Variants in FOXP2 observed in about 807,000 individuals in gnomAD.
FOXP2 encodes forkhead box P2.
In FOXP2, 12 loss-of-function variants were observed where a neutral mutation model predicts 115.8. The observed-to-expected ratio is 0.10, with a 90% CI of 0.07 to 0.17. The LOEUF is 0.17. Among genes scored for constraint, FOXP2 ranks in the 10% least tolerant of loss-of-function variants. The pLI is 1.00. For synonymous variants in FOXP2, 328 were observed against 297.7 expected (o/e 1.10, Z -1.05); for missense variants, 629 against 843.5 (o/e 0.75, Z 3.15).
chr7:114,679,946 T>A (rs1807998492), intron 16 of FOXP2, among the ~76,000 whole-genome samples: 1 of 152,228 alleles, frequency 6.6e-6, no homozygotes, highest in Non-Finnish European at 1.5e-5. Flanking sequence ...CCATTGTCCA[T>A]GCAGCCCCTA....
In FOXP2 at chr7:114,179,519, C is replaced by G. The variant is rs1156634315; in HGVS notation, c.-102+16431C>G. ...GCATAGAGTAGTGCTGGCATGCGGT[C>G]TGCCCTTAATAAAAATATTCGGTGA... On this transcript the variant is annotated intron_variant, in intron 1 of 17. Coordinates refer to the FOXP2 transcript ENST00000634411. 2.0e-5 allele frequency among the ~76,000 whole-genome samples: 3 copies of G among 151,904 alleles called. No homozygotes were observed. In the East Asian group the frequency reaches 5.8e-4, roughly 29 times the overall value.
intron 1 of FOXP2, among the ~76,000 whole-genome samples, chr7:114,136,889 A>G (rs1052975315): frequency 6.6e-6 from 1 of 152,048 alleles, no homozygotes; most frequent in South Asian, 2.1e-4. Flanking sequence ...CCCAGATACT[A>G]TGATTCCTTA....
intron 10 of FOXP2, among the ~76,000 whole-genome samples, 195 bp from the exon 11 acceptor site, chr7:114,657,871 C>T (rs952732274): frequency 1.3e-5 from 2 of 152,110 alleles, no homozygotes; most frequent in Non-Finnish European, 2.9e-5. Context: ...ATTAGATAAC[C>T]TCTAACAGAA....
At chr7:114,559,882 C>T (rs1378321511) in intron 3 of FOXP2, among the ~76,000 whole-genome samples, 2 of 88,876 alleles carry the variant, frequency 2.3e-5, no homozygotes, top group African/African-American at 1.1e-4. Flanking sequence ...GAGCAAGATT[C>T]CATCTTAAAA....
At chr7:114,367,277 G>A (rs929065472) in intron 2 of FOXP2, among the ~76,000 whole-genome samples, 3 of 152,026 alleles carry the variant, frequency 2.0e-5, no homozygotes, top group Admixed American at 1.3e-4. Context: ...CCCTTTTGAA[G>A]GTATTCAAAT....
intron 8 of FOXP2, among the ~76,000 whole-genome samples, chr7:114,649,085 T>A (rs1366461429): frequency 6.6e-6 from 1 of 152,076 alleles, no homozygotes; most frequent in African/African-American, 2.4e-5. Flanking sequence ...AGAACAGGCC[T>A]GTGAAATGGT....
intron 3 of FOXP2, among the ~76,000 whole-genome samples, chr7:114,553,087 A>G (rs529696649): frequency 4.6e-5 from 7 of 152,256 alleles, no homozygotes; most frequent in South Asian, 4.1e-4. Flanking sequence ...AAAAACTGAC[A>G]AAGTATTTTA....
chr7:114,142,590 C>T (rs1460594560), intron 1 of FOXP2, among the ~76,000 whole-genome samples: 1 of 151,800 alleles, frequency 6.6e-6, no homozygotes, highest in Non-Finnish European at 1.5e-5. Flanking sequence ...TATATTATAC[C>T]ATTTATATTG....
At chr7:114,252,506 C>T (rs1795477841) in intron 1 of FOXP2, among the ~76,000 whole-genome samples, 1 of 152,222 alleles carries the variant, frequency 6.6e-6, no homozygotes, top group East Asian at 1.9e-4. Context: ...CAACTTCTTC[C>T]TGGTTTAGTC....
At chr7:114,177,602 GTTTC>G (rs1793349593) in intron 1 of FOXP2, among the ~76,000 whole-genome samples, 3 of 151,884 alleles carry the variant, frequency 2.0e-5, no homozygotes, top group Non-Finnish European at 2.9e-5. Context: ...CTATTTGAGA[GTTTC>G]TTTAAGATTA....
upstream of FOXP2, among the ~76,000 whole-genome samples, chr7:114,158,561 A>G (rs1792733665): frequency 6.6e-6 from 1 of 152,088 alleles, no homozygotes; most frequent in African/African-American, 2.4e-5. Flanking sequence ...AGACTTTGCC[A>G]TAGTACCATG....
At chr7:114,137,530 A>G (rs1792071910) in intron 1 of FOXP2, among the ~76,000 whole-genome samples, 1 of 152,160 alleles carries the variant, frequency 6.6e-6, no homozygotes, top group Non-Finnish European at 1.5e-5. Flanking sequence ...TCACTGTAGG[A>G]CACATAGCAT....
At chr7:114,581,466 T>A (rs1425631978) in intron 3 of FOXP2, among the ~76,000 whole-genome samples, 4 of 152,070 alleles carry the variant, frequency 2.6e-5, no homozygotes. Context: ...TAACACTTTT[T>A]TGTGTGTCAG....
intron 2 of FOXP2, among the ~76,000 whole-genome samples, chr7:114,308,648 TA>T (rs1160759812): frequency 2.0e-5 from 3 of 152,348 alleles, no homozygotes; most frequent in Middle Eastern, 3.4e-3. Context: ...ACCAGTCTTC[TA>T]CAATCCAGAT....
At chr7:114,340,213 A>G (rs1791166074) in intron 2 of FOXP2, among the ~76,000 whole-genome samples, 1 of 151,214 alleles carries the variant, frequency 6.6e-6, no homozygotes, top group African/African-American at 2.4e-5. Flanking sequence ...ATGCTGTTTT[A>G]TATAATTGCT....
At chr7:114,608,104 C>G (rs1803427957) in intron 3 of FOXP2, among the ~76,000 whole-genome samples, 2 of 152,180 alleles carry the variant, frequency 1.3e-5, no homozygotes, top group African/African-American at 4.8e-5. Flanking sequence ...AGTCTCTGAA[C>G]TAAAAATTTT....
intron 2 of FOXP2, among the ~76,000 whole-genome samples, chr7:114,464,913 C>A (rs977338700): frequency 1.3e-5 from 2 of 152,152 alleles, no homozygotes; most frequent in African/African-American, 4.8e-5. Context: ...CATGCCCACA[C>A]CTTGATAGAG....
intron 9 of FOXP2, among the ~76,000 whole-genome samples, chr7:114,652,767 G>T (rs1268639284): frequency 6.6e-6 from 1 of 151,750 alleles, no homozygotes; most frequent in Admixed American, 6.6e-5. Context: ...TTTAATTAAA[G>T]AACTTGCAAA....
intron 1 of FOXP2, among the ~76,000 whole-genome samples, chr7:114,225,920 T>C (rs976697999): frequency 2.6e-5 from 4 of 152,154 alleles, no homozygotes; most frequent in Non-Finnish European, 5.9e-5. Context: ...CCATTATTTT[T>C]CCCACCCCAC....
Sources: gnomAD v4.1 joint callset for allele counts (sites outside exome capture counted in the v4.1 genomes callset) on GRCh38, gnomAD v4.1.1 for gene constraint, MANE v1.5 for transcripts, NCBI Gene and HGNC (gene_info 2026-07-23, HGNC 2026-07-21) for gene names.